The following TRIP4 variants were observed in gnomAD, a reference collection of about 807,000 sequenced individuals.
TRIP4 encodes the protein thyroid hormone receptor interactor 4.
Under a neutral mutation model 81.8 loss-of-function variants are expected in TRIP4, and 54 were observed. The observed-to-expected ratio is 0.66, with a 90% CI of 0.53 to 0.83. The LOEUF (loss-of-function observed/expected upper bound fraction) is 0.83, where lower values mean the gene tolerates loss of function less well. Ranked by LOEUF, TRIP4 falls within the 40% of genes least tolerant of loss-of-function variation. TRIP4 has a pLI of 0.00. For synonymous variants in TRIP4, 270 were observed against 242.8 expected (o/e 1.11, Z -1.04); for missense variants, 662 against 683.6 (o/e 0.97, Z 0.35).
At chr15:64,426,001 T>C (rs749951621) in intron 11 of TRIP4, among the ~76,000 whole-genome samples, 4 of 152,032 alleles carry the variant, frequency 2.6e-5, no homozygotes, top group African/African-American at 4.8e-5. Flanking sequence ...GAGAATAGCT[T>C]GAACCCGGGA....
chr15:64,436,859 C>CCACCA (rs1434959988), intron 11 of TRIP4, among the ~76,000 whole-genome samples: 1 of 125,238 alleles, frequency 8.0e-6, no homozygotes, highest in Non-Finnish European at 1.6e-5. Flanking sequence ...AGGTTGTGTG[C>CCACCA]CACCACACCC....
intron 11 of TRIP4, among the ~76,000 whole-genome samples, chr15:64,437,711 C>A (rs1892434268): frequency 6.6e-6 from 1 of 152,088 alleles, no homozygotes; most frequent in Non-Finnish European, 1.5e-5. Flanking sequence ...CCAGGCTGGT[C>A]TGGAACTACT....
chr15:64,400,797 A>C lies in TRIP4; in HGVS notation c.673A>C (p.Lys225Gln). The C allele has an allele frequency of 6.2e-7, 1 of 1,614,144 alleles. No homozygotes were observed. Among genetic ancestry groups the C allele is most frequent in the Non-Finnish European group, 8.5e-7 (1 of 1,179,998 alleles). ...ACAGCGTGACTCAAACAAGAGCCAG[A>C]AACTGCTAAAGAAACTCATGTCAGG... ...ILQRDSNKSQ[K>Q]LLKKLMSGVE... Residue 225 changes from lysine to glutamine, a missense_variant, in exon 5 of 13, where the codon AAA (lysine) becomes CAA (glutamine). Coordinates refer to ENST00000261884, the MANE Select transcript of TRIP4 (RefSeq NM_016213.5).
At chr15:64,411,510 A>G (rs1178866838) in intron 7 of TRIP4, among the ~76,000 whole-genome samples, 1 of 152,016 alleles carries the variant, frequency 6.6e-6, no homozygotes, top group Non-Finnish European at 1.5e-5. Flanking sequence ...GGTGGCTCAC[A>G]CCTGTAATTT....
At chr15:64,435,244 G>A (rs769757309) in intron 11 of TRIP4, among the ~76,000 whole-genome samples, 9 of 128,786 alleles carry the variant, frequency 7.0e-5, no homozygotes, top group Non-Finnish European at 1.3e-4. Flanking sequence ...AAAAGATGCC[G>A]GGTGCAGTGG....
intron 6 of TRIP4, among the ~76,000 whole-genome samples, chr15:64,406,968 CATT>C (rs1053095574): frequency 2.0e-5 from 3 of 151,570 alleles, no homozygotes; most frequent in Non-Finnish European, 2.9e-5. Flanking sequence ...TATACTACTG[CATT>C]ATTATTGTTT....
chr15:64,418,463 A>C, intron 8 of TRIP4, 78 bp from the exon 9 acceptor site: 2 of 1,388,290 alleles, frequency 1.4e-6, no homozygotes, highest in Non-Finnish European at 1.9e-6. Flanking sequence ...CCTCATTATT[A>C]GCATTCGCAT....
intron 11 of TRIP4, among the ~76,000 whole-genome samples, chr15:64,438,831 G>A (rs1235964969): frequency 1.3e-5 from 2 of 152,160 alleles, no homozygotes; most frequent in East Asian, 3.8e-4. Context: ...AAATGTTACT[G>A]TCGATAAAAT....
chr15:64,389,351 G>A (rs905650244), intron 1 of TRIP4, among the ~76,000 whole-genome samples: 1 of 152,070 alleles, frequency 6.6e-6, no homozygotes, highest in Non-Finnish European at 1.5e-5. Context: ...TTTTTTTGAG[G>A]CCCTAGGAGA....
chr15:64,418,068 C>A (rs571567251), intron 8 of TRIP4, among the ~76,000 whole-genome samples: 6 of 152,276 alleles, frequency 3.9e-5, no homozygotes, highest in African/African-American at 1.4e-4. Flanking sequence ...TATCTCTACC[C>A]TTTTGGCCTT....
At chr15:64,436,020 C>G (rs1436286577) in intron 11 of TRIP4, among the ~76,000 whole-genome samples, 1 of 151,902 alleles carries the variant, frequency 6.6e-6, no homozygotes, top group Non-Finnish European at 1.5e-5. Context: ...TCAGGCTGGG[C>G]GGGGTGGCTC....
rs545145743 is a variant in TRIP4, at chr15:64,410,324, C to CA, written c.1043+504dup. Among the ~76,000 whole-genome samples, 1,129 of 151,108 alleles carry CA rather than the reference C, an allele frequency of 7.5e-3. 9 individuals carry two copies. Among genetic ancestry groups the CA allele is most frequent in the Non-Finnish European group, 0.012 (786 of 67,770 alleles). ...TATAGGCATGAGTCACCATGCTCAG[C>CA]AAAAAAAAGTTTTTAAAACAATGAG... On this transcript the variant is annotated intron_variant, in intron 7 of 12. Coordinates refer to ENST00000261884, the MANE Select transcript of TRIP4 (RefSeq NM_016213.5).
intron 11 of TRIP4, among the ~76,000 whole-genome samples, chr15:64,427,070 A>T (rs1003321588): frequency 6.6e-6 from 1 of 152,206 alleles, no homozygotes; most frequent in African/African-American, 2.4e-5. Context: ...GGGAGCCGAA[A>T]TACTTTAACT....
intron 12 of TRIP4, among the ~76,000 whole-genome samples, chr15:64,451,502 C>T (rs1219165674): frequency 8.6e-6 from 1 of 115,724 alleles, no homozygotes; most frequent in Non-Finnish European, 1.7e-5. Flanking sequence ...GAGTGGGTCT[C>T]ACTCTGTCAC....
chr15:64,408,996 C>T (rs112237565), intron 6 of TRIP4, among the ~76,000 whole-genome samples: 7,311 of 151,972 alleles, frequency 0.048, 233 homozygotes, highest in South Asian at 0.086. Flanking sequence ...GGGTGGATCA[C>T]GAGGTCAGGA....
intron 4 of TRIP4, among the ~76,000 whole-genome samples, chr15:64,398,932 T>C (rs1900375516): frequency 7.1e-6 from 1 of 140,166 alleles, no homozygotes; most frequent in Non-Finnish European, 1.5e-5. Flanking sequence ...TAATTTTTTC[T>C]TTTTTCCTTT....
chr15:64,423,514 A>G lies in TRIP4; in HGVS notation c.1359-517A>G, dbSNP rs1049229736. ...CAAATGGGTGTGGTTCTAATTGAAG[A>G]GTAAAGATAAGCGTTTTTATTTACT... On this transcript the variant is annotated intron_variant, in intron 9 of 12. Transcript: ENST00000261884. Among the ~76,000 whole-genome samples, 6 of 148,968 alleles carry G rather than the reference A, an allele frequency of 4.0e-5. No individual in the cohort carries two copies. The South Asian group carries it at 1.3e-3, about 32-fold the overall frequency.
chr15:64,429,874 A>G (rs1361338479), intron 11 of TRIP4, among the ~76,000 whole-genome samples: 1 of 152,160 alleles, frequency 6.6e-6, no homozygotes, highest in Admixed American at 6.5e-5. Flanking sequence ...TTTTACTTCA[A>G]CTGAAACTAA....
chr15:64,451,123 T>A (rs544438499), intron 12 of TRIP4: 4 of 165,634 alleles, frequency 2.4e-5, no homozygotes, highest in African/African-American at 9.6e-5. Flanking sequence ...CCCCCCACTT[T>A]TTTTTTTGAG....
Sources: gnomAD v4.1 joint callset for allele counts (sites outside exome capture counted in the v4.1 genomes callset) on GRCh38, gnomAD v4.1.1 for gene constraint, MANE v1.5 for transcripts, NCBI Gene and HGNC (gene_info 2026-07-23, HGNC 2026-07-21) for gene names.